TCF20: variants seen among roughly 807,000 people sequenced by gnomAD.
TCF20 encodes the protein SPRE-binding protein.
A neutral mutation model predicts 148.6 loss-of-function variants in TCF20; 3 were observed. The ratio of observed to expected loss-of-function variants is 0.02; its 90% CI spans 0.01 to 0.05. TCF20 has a LOEUF of 0.05. Among genes scored for constraint, TCF20 ranks in the 10% least tolerant of loss-of-function variants. The probability of loss-of-function intolerance (pLI) is 1.00; values close to 1 mark genes in which losing one functional copy is unlikely to be tolerated. For missense variants in TCF20, 2,350 were observed against 2,429.3 expected (o/e 0.97, Z 0.69); for synonymous variants, 1,049 against 909.5 (o/e 1.15, Z -2.76).
chr22:42,257,400 A>T (rs938170614), intron 1 of TCF20, among the ~76,000 whole-genome samples: 7 of 152,264 alleles, frequency 4.6e-5, no homozygotes, highest in South Asian at 2.1e-4. Context: ...GAATTATGTG[A>T]ACAGGACACA....
intron 1 of TCF20, among the ~76,000 whole-genome samples, chr22:42,249,687 T>C (rs188408530): frequency 1.6e-4 from 25 of 152,372 alleles, no homozygotes; most frequent in African/African-American, 5.8e-4. Flanking sequence ...AGCAAGTGCT[T>C]TGAAGATCGC....
intron 1 of TCF20, among the ~76,000 whole-genome samples, chr22:42,250,485 G>A (rs1925275047): frequency 6.8e-6 from 1 of 146,880 alleles, no homozygotes; most frequent in Admixed American, 6.8e-5. Context: ...CCTTCAATGA[G>A]ATGTCCTTTT....
chr22:42,273,021 A>AT (rs537671241), upstream of TCF20, among the ~76,000 whole-genome samples: 3,250 of 149,918 alleles, frequency 0.022, 134 homozygotes, highest in African/African-American at 0.075. Context: ...AAAGAAAAAA[A>AT]TTTTTTTTTA....
intron 1 of TCF20, among the ~76,000 whole-genome samples, chr22:42,224,409 T>C (rs920927860): frequency 6.6e-6 from 1 of 151,584 alleles, no homozygotes; most frequent in South Asian, 2.1e-4. Flanking sequence ...GAGGCAGAGA[T>C]TGCAGTGAGA....
intron 2 of TCF20, among the ~76,000 whole-genome samples, chr22:42,202,574 G>A: frequency 6.6e-6 from 1 of 152,198 alleles, no homozygotes; most frequent in South Asian, 2.1e-4. Flanking sequence ...GGACCTTCCG[G>A]GGCAAGTGTT....
Position 42,212,885 on chromosome 22 carries a change from G to A in TCF20, c.2421C>T (p.Ser807=). 6.2e-7 allele frequency: 1 copy of A among 1,614,128 alleles called. No homozygotes were observed. Among genetic ancestry groups the A allele is most frequent in the Non-Finnish European group, 8.5e-7 (1 of 1,180,014 alleles). Residue 807 remains serine (S), a synonymous_variant, in exon 2 of 6, where the codon AGC becomes AGT. Transcript: ENST00000677622. ...ELASRGLLNK[S]IGSLLENPHW... is the part of the protein sequence containing the mutation. ...GGGGATTTTCTAATAGAGACCCAAT[G>A]CTTTTGTTCAGAAGGCCCCTGCTAG... is the stretch of plus-strand genomic sequence containing the variant.
intron 2 of TCF20, among the ~76,000 whole-genome samples, chr22:42,199,702 T>C (rs1025033254): frequency 4.3e-4 from 23 of 53,880 alleles, no homozygotes; most frequent in African/African-American, 1.7e-3. Flanking sequence ...AAACCCCATC[T>C]CTACAAAAAA....
At chr22:42,273,360 CAAAAAA>C (rs35166029), upstream of TCF20, among the ~76,000 whole-genome samples, 43 of 61,270 alleles carry the variant, frequency 7.0e-4, no homozygotes, top group African/African-American at 2.1e-3. Flanking sequence ...AACTCCGTCT[CAAAAAA>C]AAAAAAAAAA....
At chr22:42,240,991 G>A (rs1210434720) in intron 1 of TCF20, among the ~76,000 whole-genome samples, 1 of 152,080 alleles carries the variant, frequency 6.6e-6, no homozygotes, top group Non-Finnish European at 1.5e-5. Context: ...AAGTAGCTGG[G>A]ATTACAAGCA....
At chr22:42,242,218 A>AAAAAAAAAAAAAAAAAAAAAAC (rs1555942526) in intron 1 of TCF20, among the ~76,000 whole-genome samples, 28 of 142,552 alleles carry the variant, frequency 2.0e-4, no homozygotes, top group South Asian at 4.5e-4. Context: ...AAAAAAAAAA[A>AAAAAAAAAAAAAAAAAAAAAAC]AAAAAAAAAC....
At position 42,161,343 on chromosome 22, in the gene TCF20, A is replaced by T; in HGVS notation, c.*60T>A. On this transcript the variant is annotated 3_prime_UTR_variant, in exon 6 of 6. Transcript: ENST00000677622. ...CATCACGAGTGTCCACCACCTTCTC[A>T]TCTCCACAGTCTCACCTGGAAGACA... The T allele has an allele frequency of 6.2e-7, 1 of 1,613,900 alleles. No homozygotes were observed.
At chr22:42,224,534 C>CAAAAAAAAA (rs66858906) in intron 1 of TCF20, among the ~76,000 whole-genome samples, 7 of 39,566 alleles carry the variant, frequency 1.8e-4, no homozygotes, top group Admixed American at 6.9e-4. Flanking sequence ...AAAGCTGGTA[C>CAAAAAAAAA]AAAAAAAAAA....
At chr22:42,294,536 C>T (rs1344721973) in intron 1 of TCF20, among the ~76,000 whole-genome samples, 1 of 152,082 alleles carries the variant, frequency 6.6e-6, no homozygotes, top group African/African-American at 2.4e-5. Flanking sequence ...CCCTCCCTCC[C>T]AGCTCCGGGA....
chr22:42,229,258 G>A (rs1204510485), intron 1 of TCF20, among the ~76,000 whole-genome samples: 1 of 152,154 alleles, frequency 6.6e-6, no homozygotes, highest in African/African-American at 2.4e-5. Context: ...GAATGGCAAG[G>A]TAAGCACACA....
chr22:42,179,779 C>G, intron 2 of TCF20, 77 bp from the exon 3 acceptor site: 1 of 912,072 alleles, frequency 1.1e-6, no homozygotes, highest in Non-Finnish European at 1.8e-6. Flanking sequence ...TGGTCCCCAT[C>G]TGTTAGACCT....
chr22:42,171,915 C>T (rs1275635880), intron 3 of TCF20, among the ~76,000 whole-genome samples: 1 of 152,250 alleles, frequency 6.6e-6, no homozygotes, highest in Non-Finnish European at 1.5e-5. Flanking sequence ...GCGCAGGTGG[C>T]TCAGTTCCCT....
At chr22:42,281,076 G>A (rs974616346) in intron 1 of TCF20, among the ~76,000 whole-genome samples, 4 of 152,126 alleles carry the variant, frequency 2.6e-5, no homozygotes, top group South Asian at 4.2e-4. Context: ...CAGTCATCTC[G>A]GGGTCCCAGG....
At chr22:42,209,560 T>C in intron 2 of TCF20, 91 bp downstream of exon 2, 2 of 1,418,582 alleles carry the variant, frequency 1.4e-6, no homozygotes, top group Non-Finnish European at 1.9e-6. Flanking sequence ...TTTGGAGGAA[T>C]AATCATGTGA....
intron 1 of TCF20, among the ~76,000 whole-genome samples, chr22:42,225,055 G>A (rs748143195): frequency 1.5e-4 from 22 of 147,874 alleles, no homozygotes; most frequent in Non-Finnish European, 1.3e-4. Flanking sequence ...GAGTGCAGTG[G>A]TGCAATCTTG....
Sources: allele counts gnomAD v4.1 joint callset (sites outside exome capture counted in the v4.1 genomes callset), GRCh38; gene constraint gnomAD v4.1.1; transcripts MANE v1.5; gene names NCBI Gene and HGNC (gene_info 2026-07-23, HGNC 2026-07-21).